ZNF536: variants seen among roughly 807,000 people sequenced by gnomAD.
ZNF536 encodes zinc finger protein 536.
In ZNF536, 13 loss-of-function variants were observed where a neutral mutation model predicts 84.5. That is an observed-to-expected ratio of 0.15 (90% CI 0.10 to 0.24). The LOEUF (loss-of-function observed/expected upper bound fraction) is 0.24, where lower values mean the gene tolerates loss of function less well. ZNF536 is among the 10% of genes least tolerant of loss of function. The pLI, the probability that ZNF536 is intolerant of heterozygous loss-of-function variation, is 1.00. For synonymous variants in ZNF536, 811 were observed against 742.5 expected, an observed-to-expected ratio of 1.09 and a Z score of -1.50; for missense variants, 1,536 against 1,747.5, an observed-to-expected ratio of 0.88 and a Z score of 2.16.
chr19:30,563,991 T>TG (rs1222038069), intron 1 of ZNF536, among the ~76,000 whole-genome samples: 2 of 151,750 alleles, frequency 1.3e-5, no homozygotes, highest in Non-Finnish European at 2.9e-5. Flanking sequence ...GGGCCTGGGA[T>TG]GGGGGGACCA....
Position 30,253,510 on chromosome 19 carries a change from A to G in ZNF536, c.-190+24837A>G, listed in dbSNP as rs553731639. Among the ~76,000 whole-genome samples the G allele has an allele frequency of 1.2e-4, 18 of 152,350 alleles. 1 individual carries two copies. Among genetic ancestry groups the G allele is most frequent in the African/African-American group, 4.1e-4 (17 of 41,580 alleles). Reference sequence around the variant, plus strand: ...TTGAGAGCAGCCCCTGTGCTGCCCAACAACGCACAGCTTGAATTTTAAGAA... The same window carrying G: ...TTGAGAGCAGCCCCTGTGCTGCCCAGCAACGCACAGCTTGAATTTTAAGAA... On this transcript the variant is annotated intron_variant, in intron 1 of 5. Coordinates refer to the ZNF536 transcript ENST00000585628.
intron 1 of ZNF536, among the ~76,000 whole-genome samples, chr19:30,245,873 C>T (rs1599868247): frequency 6.6e-6 from 1 of 152,346 alleles, no homozygotes; most frequent in East Asian, 1.9e-4. Context: ...CTGCTGCAGG[C>T]CTCTTGCTTG....
intron 4 of ZNF536, among the ~76,000 whole-genome samples, chr19:30,551,200 T>C (rs2045768936): frequency 6.7e-6 from 1 of 150,260 alleles, no homozygotes; most frequent in Non-Finnish European, 1.5e-5. Context: ...CTGCCAGGAA[T>C]CCATGCATCA....
intron 1 of ZNF536, among the ~76,000 whole-genome samples, chr19:30,268,677 G>A (rs761425902): frequency 6.6e-6 from 1 of 152,186 alleles, no homozygotes; most frequent in African/African-American, 2.4e-5. Context: ...AAACAAGCAG[G>A]CTGTTTAAAA....
intron 1 of ZNF536, among the ~76,000 whole-genome samples, chr19:30,648,451 A>G (rs2049562871): frequency 6.6e-6 from 1 of 152,118 alleles, no homozygotes; most frequent in African/African-American, 2.4e-5. Context: ...CCTGGCCCCG[A>G]TGGCTATCTC....
At chr19:30,500,289 T>C (rs895074553) in intron 2 of ZNF536, among the ~76,000 whole-genome samples, 4 of 152,160 alleles carry the variant, frequency 2.6e-5, no homozygotes, top group Non-Finnish European at 5.9e-5. Flanking sequence ...CAGGATGCCA[T>C]GGGATGAATG....
At chr19:30,664,126 A>T (rs1272605941) in intron 1 of ZNF536, among the ~76,000 whole-genome samples, 2 of 152,302 alleles carry the variant, frequency 1.3e-5, no homozygotes, top group Middle Eastern at 3.4e-3. Context: ...TTGAAAAAAT[A>T]AATCATTTAA....
At chr19:30,236,178 T>C (rs1045159952) in intron 1 of ZNF536, among the ~76,000 whole-genome samples, 4 of 152,240 alleles carry the variant, frequency 2.6e-5, no homozygotes, top group Admixed American at 1.3e-4. Context: ...CCTCTGATAG[T>C]GGAGGGCTTG....
At chr19:30,607,263 G>A (rs1044109751) in intron 1 of ZNF536, among the ~76,000 whole-genome samples, 13 of 152,096 alleles carry the variant, frequency 8.5e-5, no homozygotes, top group Middle Eastern at 3.2e-3. Flanking sequence ...AAATTCATGT[G>A]AAACTTTTTT....
chr19:30,512,174 T>C (rs2055439609), intron 2 of ZNF536, among the ~76,000 whole-genome samples: 2 of 152,200 alleles, frequency 1.3e-5, no homozygotes, highest in African/African-American at 4.8e-5. Flanking sequence ...TTCAGAGAAT[T>C]AGAACCATAA....
downstream of ZNF536, among the ~76,000 whole-genome samples, chr19:30,561,289 G>C (rs911884097): frequency 6.6e-6 from 1 of 152,200 alleles, no homozygotes; most frequent in Admixed American, 6.5e-5. Context: ...GGTTGACCAC[G>C]AGGACAGGCC....
intron 2 of ZNF536, among the ~76,000 whole-genome samples, chr19:30,299,795 TTAA>T (rs1298993596): frequency 6.6e-6 from 1 of 152,214 alleles, no homozygotes; most frequent in Non-Finnish European, 1.5e-5. Flanking sequence ...ATAATATTCC[TTAA>T]TTAATCCATT....
intron 1 of ZNF536, among the ~76,000 whole-genome samples, chr19:30,400,046 T>C (rs1442667966): frequency 6.6e-6 from 1 of 152,234 alleles, no homozygotes; most frequent in Non-Finnish European, 1.5e-5. Flanking sequence ...ATGTTTTGCA[T>C]GTATTAAGAA....
At chr19:30,340,250 A>G (rs10416392) in intron 2 of ZNF536, among the ~76,000 whole-genome samples, 143,548 of 152,204 alleles carry the variant, frequency 0.94, 67,815 homozygotes, top group African/African-American at 0.99. Context: ...CTGCACAAGA[A>G]GCCCAAATCC....
chr19:30,590,180 T>C (rs530858829), intron 1 of ZNF536, among the ~76,000 whole-genome samples: 23 of 152,206 alleles, frequency 1.5e-4, no homozygotes, highest in African/African-American at 5.5e-4. Flanking sequence ...ATCTGGTGAG[T>C]GTGAGCCTTG....
chr19:30,461,874 C>T (rs1009539117), intron 2 of ZNF536, among the ~76,000 whole-genome samples: 7 of 152,190 alleles, frequency 4.6e-5, no homozygotes, highest in Non-Finnish European at 1.0e-4. Flanking sequence ...TTGCTGGCAC[C>T]GCCGGTGCTG....
At chr19:30,236,541 A>C (rs2023532551) in intron 1 of ZNF536, among the ~76,000 whole-genome samples, 1 of 146,482 alleles carries the variant, frequency 6.8e-6, no homozygotes, top group African/African-American at 2.6e-5. Context: ...GGGGGGGGGT[A>C]CAATTGGAAT....
chr19:30,614,217 T>A (rs2048202546), intron 1 of ZNF536, among the ~76,000 whole-genome samples: 2 of 152,208 alleles, frequency 1.3e-5, no homozygotes, highest in Non-Finnish European at 2.9e-5. Context: ...TCCATATTTT[T>A]GTTATTAGGT....
At chr19:30,283,739 G>A (rs1366930356) in intron 1 of ZNF536, among the ~76,000 whole-genome samples, 1 of 141,800 alleles carries the variant, frequency 7.1e-6, no homozygotes, top group African/African-American at 2.8e-5. Context: ...AAGAGAGAGA[G>A]AGGGAGAGAG....
Sources: allele counts gnomAD v4.1 joint callset (sites outside exome capture counted in the v4.1 genomes callset), GRCh38; gene constraint gnomAD v4.1.1; transcripts MANE v1.5; gene names NCBI Gene and HGNC (gene_info 2026-07-23, HGNC 2026-07-21).